TANC1: variants seen among roughly 807,000 people sequenced by gnomAD.
The protein encoded by TANC1 is tetratricopeptide repeat, ankyrin repeat and coiled-coil containing 1.
A neutral mutation model predicts 149.7 loss-of-function variants in TANC1; 77 were observed. That is an observed-to-expected ratio of 0.51 (90% CI 0.43 to 0.62). The LOEUF is 0.62. TANC1 is among the 20% of genes least tolerant of loss of function. The pLI, the probability that TANC1 is intolerant of heterozygous loss-of-function variation, is 0.00. For synonymous variants in TANC1, 854 were observed against 925.0 expected (o/e 0.92, Z 1.39); for missense variants, 1,985 against 2,321.8 (o/e 0.85, Z 2.98).
chr2:159,074,444 G>A (rs1345862745), intron 3 of TANC1, among the ~76,000 whole-genome samples: 3 of 152,156 alleles, frequency 2.0e-5, no homozygotes, highest in African/African-American at 7.2e-5. Flanking sequence ...TGTAGATCAC[G>A]AAACTGGCTG....
intron 4 of TANC1, among the ~76,000 whole-genome samples, chr2:159,120,093 G>T (rs2048693520): frequency 2.0e-5 from 3 of 152,284 alleles, no homozygotes; most frequent in Admixed American, 1.3e-4. Context: ...CAGGACTGTG[G>T]GCTACTCCTG....
intron 7 of TANC1, among the ~76,000 whole-genome samples, chr2:159,152,742 C>A (rs2052985894): frequency 6.6e-6 from 1 of 152,156 alleles, no homozygotes; most frequent in Admixed American, 6.5e-5. Context: ...CCTTGGCCTC[C>A]CAAAGTACTG....
intron 2 of TANC1, among the ~76,000 whole-genome samples, chr2:159,059,491 A>AGT (rs1439967560): frequency 6.6e-6 from 1 of 150,976 alleles, no homozygotes; most frequent in Non-Finnish European, 1.5e-5. Context: ...TGGGCAACAG[A>AGT]GTAAGACTCT....
At chr2:158,988,521 C>A (rs2035278008) in intron 1 of TANC1, among the ~76,000 whole-genome samples, 2 of 152,040 alleles carry the variant, frequency 1.3e-5, no homozygotes, top group South Asian at 4.2e-4. Context: ...TTTATTTTCC[C>A]CTCCACCTTT....
rs184589630 is a variant in TANC1, at chr2:159,040,164, G to A, written c.-15-25732G>A. Among the ~76,000 whole-genome samples, 49 of 152,054 alleles carry A rather than the reference G, an allele frequency of 3.2e-4. No individual in the cohort carries two copies. The East Asian group carries it at 9.1e-3, about 28-fold the overall frequency. On this transcript the variant is annotated intron_variant, in intron 2 of 26. Transcript: ENST00000263635. The stretch of plus-strand genomic sequence containing the variant: ...TTAAAGTCTGTTTTATCAGAGACTA[G>A]GATTGCAACCCCTGCTTTTTTTTGC...
intron 2 of TANC1, among the ~76,000 whole-genome samples, chr2:159,064,118 A>C (rs1312973060): frequency 6.6e-6 from 1 of 152,070 alleles, no homozygotes; most frequent in Non-Finnish European, 1.5e-5. Context: ...GTCTGTGTTT[A>C]CCTATCTATT....
chr2:159,228,834 CG>C lies in TANC1; in HGVS notation c.4090del (p.Glu1364AsnfsTer2). 1 of 1,614,064 alleles carries C rather than the reference CG, an allele frequency of 6.2e-7. No individual in the cohort carries two copies. The highest frequency in any genetic ancestry group is 1.1e-5 in the South Asian group (1 of 91,068). On this transcript the variant is annotated frameshift_variant, in exon 26 of 27. Transcript: ENST00000263635. LOFTEE classifies it high-confidence loss of function. ...CAGAGGAATTTGCTTCCAAGGCTCT[CG>C]AATTGAAGCCCAAGTCCTATGAAGC... ...MAEEFASKAL[E>X]LKPKSYEAFY... is the part of the protein sequence containing the mutation.
intron 3 of TANC1, among the ~76,000 whole-genome samples, chr2:159,067,817 A>T (rs2042800973): frequency 6.6e-6 from 1 of 152,200 alleles, no homozygotes; most frequent in African/African-American, 2.4e-5. Flanking sequence ...CCAGTGCCAT[A>T]CTTAGAAGAA....
intron 2 of TANC1, among the ~76,000 whole-genome samples, chr2:159,064,690 C>T (rs570931734): frequency 5.9e-5 from 9 of 152,272 alleles, no homozygotes; most frequent in African/African-American, 1.7e-4. Flanking sequence ...AAAGGTCACC[C>T]TGCCTTTTTA....
At chr2:159,106,818 T>G (rs183630953) in intron 4 of TANC1, among the ~76,000 whole-genome samples, 16 of 152,352 alleles carry the variant, frequency 1.1e-4, no homozygotes, top group African/African-American at 3.8e-4. Context: ...CTTCATATCC[T>G]TGCCAATGCT....
Position 159,179,097 on chromosome 2 carries a change from C to T in TANC1, c.2444C>T (p.Pro815Leu), listed in dbSNP as rs534711706. The change falls in exon 14 of 27, where the codon CCG (proline) becomes CTG (leucine). Residue 815 changes from proline to leucine, a missense_variant. Physicochemically the swap from Pro to Leu is moderately conservative, Grantham distance 98. Transcript: ENST00000263635. ...RRDKTRMFCH[P>L]SFREWLVWRA... Reference sequence around the variant, plus strand: ...GACAAAACCCGCATGTTCTGCCACCCGTCCTTCAGGGAGTGGCTTGTATGG... The same window carrying T: ...GACAAAACCCGCATGTTCTGCCACCTGTCCTTCAGGGAGTGGCTTGTATGG... The T allele has an allele frequency of 1.1e-4, 172 of 1,613,722 alleles. No individual in the cohort carries two copies. The highest frequency in any genetic ancestry group is 2.0e-4 in the African/African-American group (15 of 74,926).
rs187221013 is a variant in TANC1, at chr2:159,027,607, T to C, written c.-16+26418T>C. Among the ~76,000 whole-genome samples, 8 of 152,326 alleles carry C rather than the reference T, an allele frequency of 5.3e-5. No individual in the cohort carries two copies. The South Asian group carries it at 1.5e-3, about 28-fold the overall frequency. ...AGAATCTCCCCTAATGCTCCACTTA[T>C]AGCAATTACAGGCTTTTTCTAGCTT... On this transcript the variant is annotated intron_variant, in intron 2 of 26. Coordinates refer to ENST00000263635, the MANE Select transcript of TANC1 (RefSeq NM_033394.3).
At chr2:159,140,791 A>G (rs556656469) in intron 5 of TANC1, among the ~76,000 whole-genome samples, 6 of 150,610 alleles carry the variant, frequency 4.0e-5, no homozygotes, top group African/African-American at 1.5e-4. Flanking sequence ...CCTGGGTTCA[A>G]GCGATTCTTT....
chr2:159,006,172 C>A (rs568180047), intron 2 of TANC1, among the ~76,000 whole-genome samples: 1 of 151,862 alleles, frequency 6.6e-6, no homozygotes, highest in East Asian at 1.9e-4. Flanking sequence ...TGGTGCACAC[C>A]TGTAGTCCCA....
At chr2:159,002,845 A>G (rs1410156697) in intron 2 of TANC1, among the ~76,000 whole-genome samples, 1 of 152,194 alleles carries the variant, frequency 6.6e-6, no homozygotes, top group Non-Finnish European at 1.5e-5. Flanking sequence ...TTCTGTGATT[A>G]TATAATAATT....
chr2:159,221,562 A>G (rs553087586), intron 22 of TANC1, among the ~76,000 whole-genome samples: 3 of 152,150 alleles, frequency 2.0e-5, no homozygotes, highest in African/African-American at 7.2e-5. Flanking sequence ...CAACTTGTTT[A>G]GATTCCACAT....
intron 2 of TANC1, among the ~76,000 whole-genome samples, chr2:159,064,031 C>G (rs1404568867): frequency 2.6e-5 from 4 of 152,156 alleles, no homozygotes; most frequent in Non-Finnish European, 5.9e-5. Flanking sequence ...TGGCATGGCT[C>G]TGTCAGTATT....
intron 14 of TANC1, among the ~76,000 whole-genome samples, chr2:159,183,895 C>T (rs2056730370): frequency 1.3e-5 from 2 of 152,128 alleles, no homozygotes; most frequent in South Asian, 2.1e-4. Context: ...ATATCGTTTG[C>T]GTGTCCCCTC....
chr2:159,220,879 G>A (rs775683145), intron 22 of TANC1, among the ~76,000 whole-genome samples: 3 of 152,166 alleles, frequency 2.0e-5, no homozygotes, highest in African/African-American at 7.2e-5. Context: ...ACCATGCCCG[G>A]ACAAAGTTTT....
Sources: allele counts gnomAD v4.1 joint callset (sites outside exome capture counted in the v4.1 genomes callset), GRCh38; gene constraint gnomAD v4.1.1; transcripts MANE v1.5; gene names NCBI Gene and HGNC (gene_info 2026-07-23, HGNC 2026-07-21).